Variants in DRC11 observed in about 807,000 individuals in gnomAD.
DRC11 encodes dynein regulatory complex subunit 11.
chr2:236,498,192 G>T, the DRC11 span, among the ~76,000 whole-genome samples: 3 of 151,968 alleles, frequency 2.0e-5, no homozygotes, highest in Non-Finnish European at 2.9e-5. Context: ...TGCAGGCCAG[G>T]CGTGGTGGCT....
chr2:236,356,959 A>G, the DRC11 span, among the ~76,000 whole-genome samples: 1 of 110,318 alleles, frequency 9.1e-6, no homozygotes, highest in South Asian at 2.4e-4. Context: ...ATATATCATA[A>G]ATATATATAT....
At chr2:236,490,175 A>C in the DRC11 span, among the ~76,000 whole-genome samples, 6 of 152,214 alleles carry the variant, frequency 3.9e-5, no homozygotes, top group Non-Finnish European at 7.3e-5. This position sits in a 1 kb window ranked among gnomAD's most constrained non-coding sequence, Gnocchi z 5.5. Context: ...GAGAACCTGC[A>C]GATGTCAGAT....
the DRC11 span, among the ~76,000 whole-genome samples, chr2:236,399,680 G>A: frequency 1.3e-5 from 2 of 152,162 alleles, no homozygotes; most frequent in East Asian, 1.9e-4. The surrounding 1 kb of genome is among the most constrained non-coding windows in gnomAD (Gnocchi z 7.0). Context: ...CAGGCTCACC[G>A]AAGCATCCCC....
chr2:236,462,243 C>T, the DRC11 span, among the ~76,000 whole-genome samples: 1 of 152,098 alleles, frequency 6.6e-6, no homozygotes, highest in Non-Finnish European at 1.5e-5. This position sits in a 1 kb window ranked among gnomAD's most constrained non-coding sequence, Gnocchi z 6.4. Context: ...GCCAGCAGAG[C>T]CGGGCTCAGA....
the DRC11 span, among the ~76,000 whole-genome samples, chr2:236,424,198 TA>T: frequency 6.6e-6 from 1 of 151,184 alleles, no homozygotes; most frequent in Admixed American, 6.6e-5. Flanking sequence ...ACTTAAAGTG[TA>T]AAAAAAAACT....
At chr2:236,357,050 ATATC>A in the DRC11 span, among the ~76,000 whole-genome samples, 5 of 91,516 alleles carry the variant, frequency 5.5e-5, no homozygotes, top group South Asian at 2.7e-4. Context: ...CATATATTAT[ATATC>A]TATTTATATA....
the DRC11 span, among the ~76,000 whole-genome samples, chr2:236,506,376 A>G: frequency 6.6e-6 from 1 of 152,302 alleles, no homozygotes; most frequent in South Asian, 2.1e-4. The surrounding 1 kb of genome is among the most constrained non-coding windows in gnomAD (Gnocchi z 4.9). Context: ...TTAATTGCCT[A>G]TTTCATCTCC....
the DRC11 span, chr2:236,465,839 A>G: frequency 3.1e-6 from 2 of 645,054 alleles, no homozygotes; most frequent in South Asian, 3.8e-5. This position sits in a 1 kb window ranked among gnomAD's most constrained non-coding sequence, Gnocchi z 6.2. Flanking sequence ...AAATACAAGC[A>G]TCCAGAGGAA....
At chr2:236,505,373 A>C in the DRC11 span, among the ~76,000 whole-genome samples, 1 of 152,148 alleles carries the variant, frequency 6.6e-6, no homozygotes, top group African/African-American at 2.4e-5. Context: ...TGAATCTTCC[A>C]ATCTTAACTA....
At chr2:236,409,143 G>C in the DRC11 span, 1 of 357,354 alleles carries the variant, frequency 2.8e-6, no homozygotes, top group Non-Finnish European at 5.1e-6. Flanking sequence ...GTCTCCCTCT[G>C]TTGCCCAGGC....
At chr2:236,416,739 ATATATATATATATATATATATATATATAT>A in the DRC11 span, among the ~76,000 whole-genome samples, 1 of 54,208 alleles carries the variant, frequency 1.8e-5, no homozygotes. Flanking sequence ...ATATATATAT[ATATATATATATATATATATATATATATAT>A]AAATAATTTT....
At chr2:236,324,305 A>C in the DRC11 span, 1 of 212,050 alleles carries the variant, frequency 4.7e-6, no homozygotes, top group Non-Finnish European at 9.5e-6. This position sits in a 1 kb window ranked among gnomAD's most constrained non-coding sequence, Gnocchi z 5.7. Flanking sequence ...TTGTCAAACT[A>C]GAATATTCTT....
At chr2:236,331,136 G>A in the DRC11 span, among the ~76,000 whole-genome samples, 1 of 152,110 alleles carries the variant, frequency 6.6e-6, no homozygotes, top group Non-Finnish European at 1.5e-5. The surrounding 1 kb of genome is among the most constrained non-coding windows in gnomAD (Gnocchi z 4.8). Context: ...TTCTGCAATT[G>A]GGCTGTTAAT....
At chr2:236,434,859 G>C in the DRC11 span, among the ~76,000 whole-genome samples, 1 of 152,166 alleles carries the variant, frequency 6.6e-6, no homozygotes, top group Non-Finnish European at 1.5e-5. This position sits in a 1 kb window ranked among gnomAD's most constrained non-coding sequence, Gnocchi z 5.5. Flanking sequence ...GACACAACTT[G>C]TGCCTGGCAA....
At chr2:236,421,947 T>A in the DRC11 span, among the ~76,000 whole-genome samples, 6 of 152,082 alleles carry the variant, frequency 3.9e-5, no homozygotes, top group East Asian at 1.9e-4. Flanking sequence ...ACAGAACCAA[T>A]GACAAAAACC....
At chr2:236,391,842 A>T in the DRC11 span, 1 of 719,210 alleles carries the variant, frequency 1.4e-6, no homozygotes, top group South Asian at 1.7e-5. The surrounding 1 kb of genome is among the most constrained non-coding windows in gnomAD (Gnocchi z 4.5). Flanking sequence ...AAATTTACCA[A>T]AGGCAGGCAT....
At chr2:236,395,324 A>G in the DRC11 span, among the ~76,000 whole-genome samples, 1 of 152,254 alleles carries the variant, frequency 6.6e-6, no homozygotes, top group Non-Finnish European at 1.5e-5. Flanking sequence ...CCTGGGCTGA[A>G]CAACTCTCTT....
chr2:236,324,854 GA>G, the DRC11 span: 1 of 1,146,218 alleles, frequency 8.7e-7, no homozygotes. The surrounding 1 kb of genome is among the most constrained non-coding windows in gnomAD (Gnocchi z 5.7). Flanking sequence ...TAAAAATAAA[GA>G]AAAGCCTGCT....
the DRC11 span, chr2:236,338,456 A>ATGC: frequency 7.5e-7 from 1 of 1,338,740 alleles, no homozygotes; most frequent in Non-Finnish European, 1.0e-6. Context: ...TTTACTTAGG[A>ATGC]TGCATTGCAG....
Sources: allele counts gnomAD v4.1 joint callset (sites outside exome capture counted in the v4.1 genomes callset), GRCh38; gene constraint gnomAD v4.1.1; non-coding constraint Gnocchi (gnomAD v3.1); transcripts MANE v1.5; gene names NCBI Gene and HGNC (gene_info 2026-07-23, HGNC 2026-07-21).